SNTB1: variants seen among roughly 807,000 people sequenced by gnomAD.
The protein encoded by SNTB1 is syntrophin beta 1.
SNTB1 carries 36 observed loss-of-function variants against 48.9 expected under a neutral mutation model. The observed-to-expected ratio is 0.74, with a 90% CI of 0.56 to 0.97. SNTB1 has a LOEUF of 0.97. Ranked by LOEUF, SNTB1 falls within the 50% of genes least tolerant of loss-of-function variation. The probability of loss-of-function intolerance (pLI) is 0.00; values close to 1 mark genes in which losing one functional copy is unlikely to be tolerated. For missense variants in SNTB1, 786 were observed against 703.4 expected (o/e 1.12, Z -1.33); for synonymous variants, 299 against 294.6 (o/e 1.01, Z -0.15).
intron 1 of SNTB1, among the ~76,000 whole-genome samples, chr8:120,695,655 G>C (rs1818199427): frequency 6.6e-6 from 1 of 152,112 alleles, no homozygotes; most frequent in African/African-American, 2.4e-5. Context: ...GAGCACGAAA[G>C]ACAGTTCAGG....
chr8:120,757,219 G>T (rs565797129), intron 1 of SNTB1, among the ~76,000 whole-genome samples: 10 of 152,126 alleles, frequency 6.6e-5, no homozygotes, highest in African/African-American at 2.2e-4. Flanking sequence ...GATCTATCGG[G>T]TTTCCCAAAC....
intron 1 of SNTB1, among the ~76,000 whole-genome samples, chr8:120,700,153 TTGCGTG>T (rs1818281485): frequency 7.9e-6 from 1 of 127,220 alleles, no homozygotes; most frequent in Non-Finnish European, 1.6e-5. Context: ...TGAAAAAAAA[TTGCGTG>T]TGTGTGTGTG....
chr8:120,538,848 C>A lies in SNTB1; in HGVS notation c.*29G>T. 2 of 1,583,842 alleles carry A rather than the reference C, an allele frequency of 1.3e-6. No individual in the cohort carries two copies. Among genetic ancestry groups the A allele is most frequent in the South Asian group, 1.1e-5 (1 of 90,362 alleles). ...GTTCTCTGGTGGCATTGCAGCCCTT[C>A]TTTTCTCAAAGGCAAGTCACCCCTG... On this transcript the variant is annotated 3_prime_UTR_variant, in exon 7 of 7. Transcript: ENST00000517992.
chr8:120,732,848 TA>T (rs1818874281), intron 1 of SNTB1, among the ~76,000 whole-genome samples: 1 of 152,028 alleles, frequency 6.6e-6, no homozygotes, highest in African/African-American at 2.4e-5. Flanking sequence ...AGACACCATC[TA>T]AAAAACAAAA....
intron 3 of SNTB1, among the ~76,000 whole-genome samples, chr8:120,628,476 G>C (rs938567658): frequency 2.0e-5 from 3 of 152,192 alleles, no homozygotes; most frequent in Admixed American, 6.5e-5. Flanking sequence ...TGTGAGGCTG[G>C]CTGGGCATGG....
chr8:120,790,499 C>T (rs995320181), intron 1 of SNTB1, among the ~76,000 whole-genome samples: 11 of 151,808 alleles, frequency 7.2e-5, no homozygotes, highest in African/African-American at 1.7e-4. Context: ...AAAACTCTTC[C>T]GAGAGATTAC....
intron 2 of SNTB1, chr8:120,637,803 G>T (rs753708027): frequency 3.2e-6 from 1 of 315,748 alleles, no homozygotes; most frequent in South Asian, 3.1e-5. Context: ...GGACTTCTTT[G>T]ATTTCAAGTT....
At chr8:120,594,740 G>A (rs1278443069) in intron 3 of SNTB1, among the ~76,000 whole-genome samples, 5 of 152,028 alleles carry the variant, frequency 3.3e-5, no homozygotes, top group Non-Finnish European at 5.9e-5. Context: ...GAGTTTCCTC[G>A]TGTGTTGTTT....
chr8:120,654,040 A>AAAAAAAAAAAAAAAAAAAAAAAAC (rs1817456876), intron 2 of SNTB1, among the ~76,000 whole-genome samples: 1 of 42,190 alleles, frequency 2.4e-5, no homozygotes, highest in African/African-American at 1.1e-4. Flanking sequence ...ACTCTGCCTC[A>AAAAAAAAAAAAAAAAAAAAAAAAC]AAAAAAAAAA....
chr8:120,779,878 G>A (rs765939622), intron 1 of SNTB1, among the ~76,000 whole-genome samples: 4 of 152,090 alleles, frequency 2.6e-5, no homozygotes, highest in Non-Finnish European at 4.4e-5. Context: ...CCTGAAGTTC[G>A]GGATAGAGGC....
At chr8:120,717,901 G>A (rs758939379) in intron 1 of SNTB1, among the ~76,000 whole-genome samples, 1 of 152,186 alleles carries the variant, frequency 6.6e-6, no homozygotes, top group African/African-American at 2.4e-5. Context: ...GTAGTGCCAC[G>A]GACAGGCTTG....
chr8:120,792,871 A>C (rs143409949), intron 1 of SNTB1, among the ~76,000 whole-genome samples: 289 of 152,154 alleles, frequency 1.9e-3, no homozygotes, highest in African/African-American at 6.5e-3. Flanking sequence ...CCTGAAATAT[A>C]ATTTCAACCC....
Position 120,694,003 on chromosome 8 carries a change from G to A in SNTB1, c.572-95C>T, listed in dbSNP as rs537530044. 2.4e-5 allele frequency: 23 copies of A among 950,960 alleles called. No homozygotes were observed. The Admixed American group carries it at 3.3e-4, about 14-fold the overall frequency. The allele number at this position is 950,960 out of a possible 1,614,324, so 58.9% of individuals were successfully genotyped here. A position where few individuals can be genotyped will look rare whatever the true frequency, so the allele number is the denominator to read the frequency against. ...TCTGAAATAGACTTGCTTTGGATAA[G>A]CTCTTAATACTGAACTTCTTAAATT... On this transcript the variant is annotated intron_variant, in intron 1 of 6. Coordinates refer to ENST00000517992, the MANE Select transcript of SNTB1 (RefSeq NM_021021.4).
At chr8:120,664,250 G>A (rs1817638307) in intron 2 of SNTB1, among the ~76,000 whole-genome samples, 1 of 152,072 alleles carries the variant, frequency 6.6e-6, no homozygotes, top group Admixed American at 6.5e-5. Flanking sequence ...ATGAAGAGTG[G>A]GTATTCCAGT....
At chr8:120,672,829 C>A (rs1451369603) in intron 2 of SNTB1, among the ~76,000 whole-genome samples, 1 of 152,174 alleles carries the variant, frequency 6.6e-6, no homozygotes, top group East Asian at 1.9e-4. Flanking sequence ...TGCACTTTTC[C>A]TGAGTTTGGT....
chr8:120,620,878 C>T (rs1312950901), intron 3 of SNTB1, among the ~76,000 whole-genome samples: 1 of 151,088 alleles, frequency 6.6e-6, no homozygotes, highest in East Asian at 1.9e-4. Context: ...TTCCTCCTCC[C>T]TCCCTCCCTC....
intron 2 of SNTB1, among the ~76,000 whole-genome samples, chr8:120,649,842 G>A (rs565009010): frequency 4.7e-4 from 71 of 152,068 alleles, no homozygotes; most frequent in Non-Finnish European, 7.4e-4. Flanking sequence ...AGGACCCTCT[G>A]AGCCAGGTGT....
intron 2 of SNTB1, among the ~76,000 whole-genome samples, chr8:120,653,366 A>T (rs1206674456): frequency 6.6e-6 from 1 of 152,196 alleles, no homozygotes; most frequent in African/African-American, 2.4e-5. Flanking sequence ...GTTTGGAGTG[A>T]TGCAGCTGCA....
chr8:120,803,456 A>T (rs947482272), intron 1 of SNTB1, among the ~76,000 whole-genome samples: 3 of 152,192 alleles, frequency 2.0e-5, no homozygotes, highest in African/African-American at 7.2e-5. Context: ...AACACTTGGT[A>T]TAAATGCAGG....
Sources: gnomAD v4.1 joint callset for allele counts (sites outside exome capture counted in the v4.1 genomes callset) on GRCh38, gnomAD v4.1.1 for gene constraint, MANE v1.5 for transcripts, NCBI Gene and HGNC (gene_info 2026-07-23, HGNC 2026-07-21) for gene names.